Variants in ODAD4 observed in about 807,000 individuals in gnomAD.
ODAD4 encodes outer dynein arm docking complex subunit 4, also known as outer dynein arm-docking complex subunit 4.
ODAD4 carries 49 observed loss-of-function variants against 51.8 expected under a neutral mutation model. The ratio of observed to expected loss-of-function variants is 0.95; its 90% CI spans 0.75 to 1.20. The LOEUF (loss-of-function observed/expected upper bound fraction) is 1.20. Ranked by LOEUF, ODAD4 falls within the 50% of genes most tolerant of loss-of-function variation. The probability of loss-of-function intolerance (pLI) is 0.00; values close to 1 mark genes in which losing one functional copy is unlikely to be tolerated. For synonymous variants in ODAD4, 235 were observed against 221.3 expected (o/e 1.06, Z -0.55); for missense variants, 590 against 586.5 (o/e 1.01, Z -0.06).
rs782820445 is a variant in ODAD4 at position 41,930,881 on chromosome 17, C to CTTTTTTTT, written c.114+66_114+73dup. On this transcript the variant is annotated intron_variant, in intron 1 of 11. Transcript: ENST00000377540. ...CTATCCATCACCCCATCACCCGTCA[C>CTTTTTTTT]TTTTTTTTTTTTTTTTTTTTTTTTT... The CTTTTTTTT allele has an allele frequency of 4.8e-3, 468 of 97,220 alleles. 28 individuals carry two copies. Among genetic ancestry groups the CTTTTTTTT allele is most frequent in the Middle Eastern group, 0.014 (3 of 222 alleles). 6.0% of individuals were successfully genotyped at this position (97,220 alleles called of 1,614,324 possible). A position where few individuals can be genotyped will look rare whatever the true frequency, so the allele number is the denominator to read the frequency against.
intron 7 of ODAD4, among the ~76,000 whole-genome samples, chr17:41,942,093 A>C (rs944545487): frequency 1.3e-5 from 2 of 152,120 alleles, no homozygotes; most frequent in Non-Finnish European, 2.9e-5. Context: ...GATTATTGGC[A>C]GCCCGGCTAA....
chr17:41,935,773 C>T, intron 3 of ODAD4, 24 bp downstream of exon 3: 1 of 1,612,966 alleles, frequency 6.2e-7, no homozygotes, highest in Non-Finnish European at 8.5e-7. Flanking sequence ...GGGCCTATGC[C>T]CTTATCCAGG....
chr17:41,955,549 C>T (rs1298131939), intron 10 of ODAD4, among the ~76,000 whole-genome samples: 1 of 152,160 alleles, frequency 6.6e-6, no homozygotes, highest in Non-Finnish European at 1.5e-5. Context: ...GCCTCAGCCT[C>T]CCAAGTAGCT....
intron 7 of ODAD4, among the ~76,000 whole-genome samples, chr17:41,941,863 T>A (rs1474860367): frequency 1.3e-5 from 2 of 152,170 alleles, no homozygotes; most frequent in Non-Finnish European, 2.9e-5. Context: ...GTAGCCTTTC[T>A]GTCCTGTTAG....
intron 5 of ODAD4, among the ~76,000 whole-genome samples, chr17:41,937,492 A>ACTCCAGTC (rs2050444689): frequency 1.3e-5 from 2 of 151,738 alleles, no homozygotes; most frequent in African/African-American, 2.4e-5. Context: ...TCTTTTAAAG[A>ACTCCAGTC]CAGAGTCTTG....
At chr17:41,949,690 G>A (rs2050629281) in intron 9 of ODAD4, among the ~76,000 whole-genome samples, 1 of 151,902 alleles carries the variant, frequency 6.6e-6, no homozygotes, top group Non-Finnish European at 1.5e-5. Context: ...TTTTGTTTTT[G>A]AGACAGAGTT....
chr17:41,955,712 C>CAAAAATTGTTTT, intron 10 of ODAD4, among the ~76,000 whole-genome samples: 1 of 152,200 alleles, frequency 6.6e-6, no homozygotes, highest in South Asian at 2.1e-4. Context: ...GCGTGAGCCA[C>CAAAAATTGTTTT]TGTGCCCAGC....
intron 8 of ODAD4, among the ~76,000 whole-genome samples, chr17:41,948,844 C>CACACAACAG (rs2050619909): frequency 6.6e-6 from 1 of 152,052 alleles, no homozygotes; most frequent in Non-Finnish European, 1.5e-5. Context: ...GTTTTGCCAG[C>CACACAACAG]TTGTCTAGGC....
chr17:41,960,435 G>A (rs782563324), intron 10 of ODAD4, among the ~76,000 whole-genome samples: 2 of 142,872 alleles, frequency 1.4e-5, no homozygotes, highest in African/African-American at 5.2e-5. Flanking sequence ...ATGATAGAGC[G>A]AGACTCTGTC....
intron 9 of ODAD4, among the ~76,000 whole-genome samples, chr17:41,951,291 G>A (rs1444927274): frequency 6.6e-6 from 1 of 151,166 alleles, no homozygotes. Context: ...CACCAAGTTG[G>A]TCAGGCTGGT....
Position 41,965,307 on chromosome 17 carries a change from C to A in ODAD4, c.1843C>A (p.Pro615Thr), listed in dbSNP as rs1555642466. The stretch of plus-strand genomic sequence containing the variant: ...AGAGTCAAGAGAAATTTATAGGAGG[C>A]CTTCGGGAGAATTAGAGCAAAGACT... ...RRESREIYRR[P>T]SGELEQRLSG... is the part of the protein sequence containing the mutation. The change falls in exon 12 of 12, where the codon CCT becomes ACT. Residue 615 changes from proline (P) to threonine (T), a missense_variant. Coordinates refer to ENST00000377540, the MANE Select transcript of ODAD4 (RefSeq NM_031421.5). 1 of 780,468 alleles carries A rather than the reference C, an allele frequency of 1.3e-6. No individual in the cohort carries two copies. 48.3% of individuals were successfully genotyped at this position (780,468 alleles called of 1,614,324 possible). A position where few individuals can be genotyped will look rare whatever the true frequency, so the allele number is the denominator to read the frequency against.
chr17:41,939,178 T>C lies in ODAD4; in HGVS notation c.1058+6T>C, dbSNP rs781955171. 11 of 1,612,122 alleles carry C rather than the reference T, an allele frequency of 6.8e-6. No homozygotes were observed. Among genetic ancestry groups the C allele is most frequent in the Non-Finnish European group, 9.3e-6 (11 of 1,179,174 alleles). ...CTGGAGATCGCCAAGGAATAGTGAGTGCCCTAGGGGAGGCCACTGGCGTGA... is the reference window on the plus strand; with the variant it reads ...CTGGAGATCGCCAAGGAATAGTGAGCGCCCTAGGGGAGGCCACTGGCGTGA... On this transcript the variant is annotated splice_donor_region_variant and intron_variant, in intron 7 of 11. Transcript: ENST00000377540.
intron 9 of ODAD4, chr17:41,952,743 T>A (rs1555640387): frequency 2.0e-6 from 1 of 488,148 alleles, no homozygotes; most frequent in Non-Finnish European, 4.1e-6. Flanking sequence ...TTTTTTCTTC[T>A]TTTTTGAGAT....
At chr17:41,945,621 G>A (rs955200434) in intron 8 of ODAD4, among the ~76,000 whole-genome samples, 5 of 152,164 alleles carry the variant, frequency 3.3e-5, no homozygotes, top group African/African-American at 7.2e-5. Flanking sequence ...AAGCTAGGCC[G>A]GGCGCAGTGG....
At chr17:41,956,468 G>A (rs1162314035) in intron 10 of ODAD4, among the ~76,000 whole-genome samples, 4 of 148,528 alleles carry the variant, frequency 2.7e-5, no homozygotes, top group Admixed American at 2.0e-4. Flanking sequence ...TTACTGGTAT[G>A]AGCCACCATG....
chr17:41,947,668 TC>T (rs2050605988), intron 8 of ODAD4, among the ~76,000 whole-genome samples: 1 of 138,634 alleles, frequency 7.2e-6, no homozygotes, highest in East Asian at 2.2e-4. Flanking sequence ...GGTGGCACAC[TC>T]CTGTAATCCC....
chr17:41,941,782 A>G (rs74882182), intron 7 of ODAD4, among the ~76,000 whole-genome samples: 53 of 150,790 alleles, frequency 3.5e-4, no homozygotes, highest in Non-Finnish European at 6.2e-4. Context: ...AAAAAAAAAA[A>G]AGAGAGAAAA....
At chr17:41,946,615 G>A (rs958113482) in intron 8 of ODAD4, among the ~76,000 whole-genome samples, 10 of 152,072 alleles carry the variant, frequency 6.6e-5, no homozygotes. Context: ...GTGAGCCACC[G>A]CACCCAGCTC....
chr17:41,956,377 G>A (rs1555641014), intron 10 of ODAD4, among the ~76,000 whole-genome samples: 1 of 151,046 alleles, frequency 6.6e-6, no homozygotes, highest in African/African-American at 2.4e-5. Context: ...ATAGAGATGG[G>A]ATTTAGCCAT....
Sources: allele counts gnomAD v4.1 joint callset (sites outside exome capture counted in the v4.1 genomes callset), GRCh38; gene constraint gnomAD v4.1.1; transcripts MANE v1.5; gene names NCBI Gene and HGNC (gene_info 2026-07-23, HGNC 2026-07-21).